The following CACNA1E variants were observed in gnomAD, a reference collection of about 807,000 sequenced individuals.
CACNA1E encodes calcium voltage-gated channel subunit alpha1 E, also known as voltage-dependent R-type calcium channel subunit alpha-1E.
CACNA1E carries 40 observed loss-of-function variants against 259.2 expected under a neutral mutation model. The observed-to-expected ratio is 0.15, with a 90% CI of 0.12 to 0.20. CACNA1E has a LOEUF of 0.20. Ranked by LOEUF, CACNA1E falls within the 10% of genes least tolerant of loss-of-function variation. The probability of loss-of-function intolerance (pLI) is 1.00; values close to 1 mark genes in which losing one functional copy is unlikely to be tolerated. For missense variants in CACNA1E, 1,874 were observed against 3,040.1 expected (o/e 0.62, Z 9.02); for synonymous variants, 1,104 against 1,138.5 (o/e 0.97, Z 0.61).
At chr1:181,795,281 G>T (rs895629873) in intron 46 of CACNA1E, among the ~76,000 whole-genome samples, 3 of 152,168 alleles carry the variant, frequency 2.0e-5, no homozygotes, top group African/African-American at 7.2e-5. Context: ...CTGGAGCAGG[G>T]CTATACAAAT....
At chr1:181,411,693 T>C (rs1012987249) in intron 1 of CACNA1E, among the ~76,000 whole-genome samples, 22 of 152,176 alleles carry the variant, frequency 1.4e-4, no homozygotes, top group Admixed American at 1.4e-3. Flanking sequence ...CACTGCAACC[T>C]CTGCCCACCG....
At chr1:181,745,466 C>A in intron 25 of CACNA1E, 1 of 368,766 alleles carries the variant, frequency 2.7e-6, no homozygotes, top group Non-Finnish European at 5.2e-6. Flanking sequence ...CGGTAACCAA[C>A]AACCAACTAG....
Position 181,510,465 on chromosome 1 carries a change from C to T in CACNA1E, c.267-12C>T. ...TCTCTGGTGAATTTGTTCCTTAACT[C>T]CGCTTTCCCACGCCATTTGAGTACA... On this transcript the variant is annotated splice_polypyrimidine_tract_variant and intron_variant, in intron 1 of 47. Transcript: ENST00000367573. The T allele has an allele frequency of 6.2e-7, 1 of 1,603,950 alleles. No homozygotes were observed. Among genetic ancestry groups the T allele is most frequent in the Non-Finnish European group, 8.5e-7 (1 of 1,170,770 alleles).
chr1:181,433,595 C>T (rs978211643), intron 2 of CACNA1E, among the ~76,000 whole-genome samples: 1 of 152,164 alleles, frequency 6.6e-6, no homozygotes, highest in African/African-American at 2.4e-5. Context: ...CACTCATAAT[C>T]CACTCACTCC....
At chr1:181,719,955 TA>T (rs1654274366) in intron 13 of CACNA1E, 92 bp downstream of exon 13, 17 of 817,282 alleles carry the variant, frequency 2.1e-5, no homozygotes, top group Middle Eastern at 2.3e-4. Flanking sequence ...CTTTCCCCCT[TA>T]GGGGGAAAGT....
intron 34 of CACNA1E, among the ~76,000 whole-genome samples, chr1:181,765,861 C>T (rs1362892772): frequency 1.3e-5 from 2 of 152,190 alleles, no homozygotes; most frequent in Admixed American, 1.3e-4. Flanking sequence ...TGCCTTGACC[C>T]TCACCTCTAA....
chr1:181,711,111 G>A (rs1371589773), intron 8 of CACNA1E, 42 bp downstream of exon 8: 2 of 1,341,022 alleles, frequency 1.5e-6, no homozygotes, highest in Non-Finnish European at 2.1e-6. Context: ...GTGGGCTGCA[G>A]AGACATCAGG....
chr1:181,505,785 T>C (rs967660135), intron 1 of CACNA1E, among the ~76,000 whole-genome samples: 2 of 152,172 alleles, frequency 1.3e-5, no homozygotes, highest in Admixed American at 1.3e-4. Context: ...TTCAAATGGG[T>C]ATACAGTGTG....
At chr1:181,722,887 G>A (rs1184189295) in intron 16 of CACNA1E, among the ~76,000 whole-genome samples, 1 of 152,274 alleles carries the variant, frequency 6.6e-6, no homozygotes, top group South Asian at 2.1e-4. Context: ...CTCATGAAAA[G>A]AACACTAGGC....
At chr1:181,355,193 A>G (rs142311194) in intron 1 of CACNA1E, among the ~76,000 whole-genome samples, 116 of 152,328 alleles carry the variant, frequency 7.6e-4, no homozygotes, top group Middle Eastern at 3.4e-3. Context: ...TGGGAGACCC[A>G]AAGCAAACTC....
intron 2 of CACNA1E, among the ~76,000 whole-genome samples, chr1:181,475,541 T>A (rs571173198): frequency 9.2e-5 from 14 of 152,240 alleles, no homozygotes; most frequent in African/African-American, 2.9e-4. Flanking sequence ...AAGCAGGCGC[T>A]GTGAGCAGGG....
intron 46 of CACNA1E, among the ~76,000 whole-genome samples, chr1:181,796,117 CAT>C (rs1423613335): frequency 2.6e-5 from 4 of 152,144 alleles, no homozygotes; most frequent in African/African-American, 9.7e-5. Flanking sequence ...CATTGTTTGA[CAT>C]ATGTGTCTCT....
At chr1:181,720,495 T>C (rs962719638) in intron 14 of CACNA1E, among the ~76,000 whole-genome samples, 158 bp downstream of exon 14, 3 of 152,214 alleles carry the variant, frequency 2.0e-5, no homozygotes, top group Non-Finnish European at 4.4e-5. Flanking sequence ...GGAGTAAACG[T>C]CTCTGCTTTT....
intron 6 of CACNA1E, among the ~76,000 whole-genome samples, chr1:181,584,215 G>C (rs1449324219): frequency 6.6e-6 from 1 of 152,194 alleles, no homozygotes; most frequent in Non-Finnish European, 1.5e-5. Flanking sequence ...CTTTGCTCCT[G>C]AAGTCTAGTA....
intron 21 of CACNA1E, among the ~76,000 whole-genome samples, chr1:181,735,719 A>G (rs1008182405): frequency 6.6e-6 from 1 of 152,230 alleles, no homozygotes; most frequent in East Asian, 1.9e-4. Flanking sequence ...AAACAGAATC[A>G]TGATTTCTTG....
At chr1:181,656,532 A>T (rs1176045181) in intron 7 of CACNA1E, among the ~76,000 whole-genome samples, 4 of 152,202 alleles carry the variant, frequency 2.6e-5, no homozygotes, top group Non-Finnish European at 4.4e-5. Flanking sequence ...TCTAAGTTAA[A>T]TTTTTTCTAA....
chr1:181,319,590 T>A (rs1178046412), intron 1 of CACNA1E, among the ~76,000 whole-genome samples: 1 of 151,596 alleles, frequency 6.6e-6, no homozygotes, highest in Non-Finnish European at 1.5e-5. Context: ...AGCTAAGAAG[T>A]TTTTTACCAC....
At chr1:181,561,578 A>G (rs546931834) in intron 3 of CACNA1E, among the ~76,000 whole-genome samples, 1 of 152,154 alleles carries the variant, frequency 6.6e-6, no homozygotes, top group Non-Finnish European at 1.5e-5. Flanking sequence ...ACTTTGCATA[A>G]TGCTTTTGAG....
At chr1:181,765,253 C>T (rs765160809) in intron 34 of CACNA1E, among the ~76,000 whole-genome samples, 3 of 151,974 alleles carry the variant, frequency 2.0e-5, no homozygotes, top group Non-Finnish European at 4.4e-5. Context: ...ATAAACATGA[C>T]AAGAAAGGAA....
Sources: gnomAD v4.1 joint callset for allele counts (sites outside exome capture counted in the v4.1 genomes callset) on GRCh38, gnomAD v4.1.1 for gene constraint, MANE v1.5 for transcripts, NCBI Gene and HGNC (gene_info 2026-07-23, HGNC 2026-07-21) for gene names.